RAB28: variants seen among roughly 807,000 people sequenced by gnomAD.
RAB28 encodes RAB28, member RAS oncogene family.
RAB28 carries 24 observed loss-of-function variants against 31.7 expected under a neutral mutation model. The ratio of observed to expected loss-of-function variants is 0.76; its 90% CI spans 0.55 to 1.06. The LOEUF (loss-of-function observed/expected upper bound fraction) is 1.06. RAB28 is among the 50% of genes least tolerant of loss of function. The pLI is 0.00. For synonymous variants in RAB28, 100 were observed against 90.4 expected, an observed-to-expected ratio of 1.11 and a Z score of -0.60; for missense variants, 254 against 258.5, an observed-to-expected ratio of 0.98 and a Z score of 0.12.
chr4:13,437,225 A>G (rs1714170525), intron 4 of RAB28, among the ~76,000 whole-genome samples: 1 of 152,182 alleles, frequency 6.6e-6, no homozygotes, highest in South Asian at 2.1e-4. Flanking sequence ...AAGATGGGTT[A>G]AAGACTTAAA....
chr4:13,451,003 T>C (rs1193457520), intron 4 of RAB28, among the ~76,000 whole-genome samples: 1 of 151,902 alleles, frequency 6.6e-6, no homozygotes, highest in South Asian at 2.1e-4. Flanking sequence ...TTTCATTTGA[T>C]GTAATCCAAC....
intron 6 of RAB28, chr4:13,372,010 TG>T (rs1728733372): frequency 6.6e-6 from 5 of 760,578 alleles, no homozygotes; most frequent in South Asian, 3.1e-5. Context: ...GGGCACAAGG[TG>T]TAAGGAGTAT....
Position 13,484,238 on chromosome 4 carries a change from G to T in RAB28, c.-88C>A, listed in dbSNP as rs988882800. ...GGGGCGGGGGAGAGGAGGAAGGGAG[G>T]TAGTTGCGGCAGGACCCCCGCCCCG... On this transcript the variant is annotated 5_prime_UTR_variant, in exon 1 of 7. Transcript: ENST00000330852. 206 of 1,088,578 alleles carry T rather than the reference G, an allele frequency of 1.9e-4. 1 individual carries two copies. Among genetic ancestry groups the T allele is most frequent in the Non-Finnish European group, 2.7e-4 (195 of 729,460 alleles). The allele number at this position is 1,088,578 out of a possible 1,614,324, so 67.4% of individuals were successfully genotyped here.
chr4:13,375,000 C>G (rs1028141855), intron 6 of RAB28, among the ~76,000 whole-genome samples: 1 of 152,086 alleles, frequency 6.6e-6, no homozygotes, highest in Non-Finnish European at 1.5e-5. Context: ...ACAACCTAAC[C>G]TTTTCTACCC....
chr4:13,442,643 T>C (rs1166848762), intron 4 of RAB28, among the ~76,000 whole-genome samples: 1 of 152,068 alleles, frequency 6.6e-6, no homozygotes, highest in Non-Finnish European at 1.5e-5. Context: ...AATATATATA[T>C]TTAGCAGGAC....
chr4:13,472,378 T>C (rs1369270008), intron 3 of RAB28, among the ~76,000 whole-genome samples: 3 of 151,078 alleles, frequency 2.0e-5, no homozygotes, highest in Non-Finnish European at 4.4e-5. Flanking sequence ...AATTTTTATA[T>C]AATAGTAATA....
At chr4:13,428,153 G>A (rs1560289250) in intron 4 of RAB28, among the ~76,000 whole-genome samples, 1 of 152,328 alleles carries the variant, frequency 6.6e-6, no homozygotes, top group South Asian at 2.1e-4. Flanking sequence ...TTAGGTCAGG[G>A]GTCGATCTTT....
At chr4:13,383,662 G>A (rs148439723) in intron 4 of RAB28, among the ~76,000 whole-genome samples, 1 of 152,274 alleles carries the variant, frequency 6.6e-6, no homozygotes, top group African/African-American at 2.4e-5. Context: ...GAGGGACCTG[G>A]TGGAAGGTAA....
intron 4 of RAB28, among the ~76,000 whole-genome samples, chr4:13,395,669 G>T (rs1254507342): frequency 6.6e-6 from 1 of 152,014 alleles, no homozygotes; most frequent in African/African-American, 2.4e-5. Context: ...AGTATTAAAT[G>T]TAATAAATAT....
chr4:13,388,211 C>A (rs1189095779), intron 4 of RAB28, among the ~76,000 whole-genome samples: 1 of 151,878 alleles, frequency 6.6e-6, no homozygotes, highest in East Asian at 1.9e-4. Flanking sequence ...CAGAAATAAA[C>A]CTCACATATA....
intron 4 of RAB28, chr4:13,459,990 G>T: frequency 9.6e-7 from 1 of 1,038,562 alleles, no homozygotes; most frequent in Non-Finnish European, 1.3e-6. Context: ...GACCAAAGCA[G>T]CGGAGCAGTT....
At chr4:13,389,736 C>T (rs1468159166) in intron 4 of RAB28, among the ~76,000 whole-genome samples, 1 of 152,074 alleles carries the variant, frequency 6.6e-6, no homozygotes, top group Non-Finnish European at 1.5e-5. Context: ...TTGAGGTTTA[C>T]AGCTTTTATT....
chr4:13,481,733 A>G (rs911292309), intron 1 of RAB28, among the ~76,000 whole-genome samples: 2 of 152,144 alleles, frequency 1.3e-5, no homozygotes, highest in Admixed American at 1.3e-4. Flanking sequence ...GAGGAGCTAA[A>G]TTTCTCTTGG....
intron 4 of RAB28, among the ~76,000 whole-genome samples, chr4:13,446,101 CCA>C (rs1714681315): frequency 6.6e-6 from 1 of 152,188 alleles, no homozygotes; most frequent in Non-Finnish European, 1.5e-5. Flanking sequence ...AGCAGTCTGG[CCA>C]CAGTCACTTT....
chr4:13,378,967 T>C (rs1729025136), intron 5 of RAB28, among the ~76,000 whole-genome samples: 1 of 151,908 alleles, frequency 6.6e-6, no homozygotes, highest in Non-Finnish European at 1.5e-5. Context: ...CCCCAACACT[T>C]TGGGAGACTG....
At chr4:13,483,884 G>A (rs1240095338) in intron 1 of RAB28, among the ~76,000 whole-genome samples, 192 bp downstream of exon 1, 1 of 152,194 alleles carries the variant, frequency 6.6e-6, no homozygotes, top group Non-Finnish European at 1.5e-5. Flanking sequence ...TTTTAAGGGG[G>A]AGCTGGACAG....
intron 4 of RAB28, among the ~76,000 whole-genome samples, chr4:13,385,178 A>T (rs1307140870): frequency 1.3e-5 from 2 of 152,222 alleles, no homozygotes; most frequent in African/African-American, 4.8e-5. Flanking sequence ...GAATGAACAA[A>T]ATCTCTGAGA....
At chr4:13,461,504 T>C (rs146295770) in intron 3 of RAB28, among the ~76,000 whole-genome samples, 3 of 152,308 alleles carry the variant, frequency 2.0e-5, no homozygotes, top group African/African-American at 7.2e-5. Flanking sequence ...TTAATCATAG[T>C]TGTTGATTCT....
intron 4 of RAB28, among the ~76,000 whole-genome samples, chr4:13,449,946 G>T (rs1420991508): frequency 6.6e-6 from 1 of 151,814 alleles, no homozygotes; most frequent in African/African-American, 2.4e-5. Context: ...GGATCAGATA[G>T]TATAAAGGCA....
Sources: allele counts gnomAD v4.1 joint callset (sites outside exome capture counted in the v4.1 genomes callset), GRCh38; gene constraint gnomAD v4.1.1; transcripts MANE v1.5; gene names NCBI Gene and HGNC (gene_info 2026-07-23, HGNC 2026-07-21).